Variants in PPP2R5E observed in about 807,000 individuals in gnomAD.
PPP2R5E encodes protein phosphatase 2 regulatory subunit B'epsilon.
A neutral mutation model predicts 65.3 loss-of-function variants in PPP2R5E; 4 were observed. The observed-to-expected ratio is 0.06, with a 90% confidence interval of 0.03 to 0.14. The LOEUF (loss-of-function observed/expected upper bound fraction) is 0.14, where lower values mean the gene tolerates loss of function less well. Among genes scored for constraint, PPP2R5E ranks in the 10% least tolerant of loss-of-function variants. PPP2R5E has a pLI of 1.00. For missense variants in PPP2R5E, 274 were observed against 556.1 expected (o/e 0.49, Z 5.10); for synonymous variants, 183 against 187.4 (o/e 0.98, Z 0.19).
chr14:63,441,173 A>T (rs1888218329), intron 3 of PPP2R5E, among the ~76,000 whole-genome samples: 1 of 151,702 alleles, frequency 6.6e-6, no homozygotes, highest in Non-Finnish European at 1.5e-5. Flanking sequence ...TTATGCAGGT[A>T]ACAATAGAAG....
chr14:63,387,674 T>A (rs1397201148), intron 11 of PPP2R5E, among the ~76,000 whole-genome samples: 1 of 152,218 alleles, frequency 6.6e-6, no homozygotes, highest in Non-Finnish European at 1.5e-5. Context: ...AATCCTTTTT[T>A]CTTTCTTCGA....
chr14:63,426,023 C>A (rs8023046), intron 3 of PPP2R5E, among the ~76,000 whole-genome samples: 20,250 of 152,122 alleles, frequency 0.13, 2,523 homozygotes, highest in African/African-American at 0.33. Flanking sequence ...GTTTACTTCT[C>A]AACATTCACC....
chr14:63,532,955 C>G (rs1327281935), intron 2 of PPP2R5E, among the ~76,000 whole-genome samples: 1 of 152,188 alleles, frequency 6.6e-6, no homozygotes, highest in Admixed American at 6.6e-5. Flanking sequence ...CCTCAGCCTT[C>G]CAAGTACCTA....
intron 8 of PPP2R5E, among the ~76,000 whole-genome samples, chr14:63,392,931 A>C (rs1480780682): frequency 6.6e-6 from 1 of 152,216 alleles, no homozygotes; most frequent in African/African-American, 2.4e-5. Context: ...GTGACCATGC[A>C]AGGCAGTGTT....
rs1449663317 is a variant in PPP2R5E at position 63,415,574 on chromosome 14, C to G, written c.457-342G>C. Among the ~76,000 whole-genome samples, 3 of 152,006 alleles carry G rather than the reference C, an allele frequency of 2.0e-5. No homozygotes were observed. In the East Asian group the frequency reaches 5.8e-4, roughly 29 times the overall value. ...TTCCAGTTTTGCAAACTACTTGTACCATTTAAACAATATATTATGTATATA... is the reference window on the plus strand; with the variant it reads ...TTCCAGTTTTGCAAACTACTTGTACGATTTAAACAATATATTATGTATATA... On this transcript the variant is annotated intron_variant, in intron 4 of 13. Coordinates refer to ENST00000337537, the MANE Select transcript of PPP2R5E (RefSeq NM_006246.5).
intron 2 of PPP2R5E, among the ~76,000 whole-genome samples, chr14:63,514,842 C>G (rs1892601865): frequency 6.6e-6 from 1 of 152,202 alleles, no homozygotes; most frequent in South Asian, 2.1e-4. Flanking sequence ...TATATCACCT[C>G]TAAAATGAAT....
intron 2 of PPP2R5E, among the ~76,000 whole-genome samples, chr14:63,475,800 T>C (rs1455721075): frequency 6.6e-6 from 1 of 152,188 alleles, no homozygotes; most frequent in Non-Finnish European, 1.5e-5. Context: ...TTAAATAGCA[T>C]GCATTCATGC....
At chr14:63,541,557 A>G (rs1158946240) in intron 1 of PPP2R5E, among the ~76,000 whole-genome samples, 1 of 152,242 alleles carries the variant, frequency 6.6e-6, no homozygotes, top group Non-Finnish European at 1.5e-5. Context: ...GGCTTCATGC[A>G]AGACTAATGG....
chr14:63,541,711 T>C (rs1453711176), intron 1 of PPP2R5E, among the ~76,000 whole-genome samples: 4 of 152,180 alleles, frequency 2.6e-5, no homozygotes, highest in Non-Finnish European at 4.4e-5. Flanking sequence ...GAATAAAAAG[T>C]TACCTGGATT....
intron 11 of PPP2R5E, among the ~76,000 whole-genome samples, chr14:63,384,974 C>T (rs1349940887): frequency 6.6e-6 from 1 of 151,840 alleles, no homozygotes; most frequent in Non-Finnish European, 1.5e-5. Context: ...GGATTACAGG[C>T]GTGAACCACC....
chr14:63,476,238 CT>C (rs1485825388), intron 2 of PPP2R5E, among the ~76,000 whole-genome samples: 6 of 152,072 alleles, frequency 3.9e-5, no homozygotes, highest in African/African-American at 7.2e-5. Flanking sequence ...ATTTCTTCTT[CT>C]TTTTCCCCCC....
At chr14:63,393,087 G>C (rs1321617330) in intron 8 of PPP2R5E, among the ~76,000 whole-genome samples, 1 of 152,202 alleles carries the variant, frequency 6.6e-6, no homozygotes, top group Non-Finnish European at 1.5e-5. Flanking sequence ...CATGGTGAGT[G>C]ACCTAGAACA....
chr14:63,434,683 C>A (rs189196068), intron 3 of PPP2R5E, among the ~76,000 whole-genome samples: 1 of 152,196 alleles, frequency 6.6e-6, no homozygotes, highest in South Asian at 2.1e-4. Flanking sequence ...CTGGTCAAAA[C>A]CAATTTCACT....
intron 2 of PPP2R5E, among the ~76,000 whole-genome samples, chr14:63,506,505 A>C (rs1264011861): frequency 6.6e-6 from 1 of 152,178 alleles, no homozygotes; most frequent in Non-Finnish European, 1.5e-5. Context: ...AAAGTAGGCA[A>C]AGGATTTGAA....
At chr14:63,433,635 G>A (rs1479035750) in intron 3 of PPP2R5E, among the ~76,000 whole-genome samples, 1 of 151,936 alleles carries the variant, frequency 6.6e-6, no homozygotes, top group Non-Finnish European at 1.5e-5. Flanking sequence ...TGTGCGTAAT[G>A]TCCCCAAGTC....
chr14:63,484,347 T>TCTCTCTCACACACA (rs758248092), intron 2 of PPP2R5E, among the ~76,000 whole-genome samples: 1 of 139,680 alleles, frequency 7.2e-6, no homozygotes, highest in African/African-American at 2.8e-5. Context: ...TCTCTCTCTC[T>TCTCTCTCACACACA]CACACACACA....
chr14:63,389,826 A>G, intron 10 of PPP2R5E, 95 bp from the exon 11 acceptor site: 5 of 1,307,432 alleles, frequency 3.8e-6, no homozygotes, highest in Non-Finnish European at 5.1e-6. Flanking sequence ...TTATTTTAAG[A>G]AAAATTTACA....
intron 2 of PPP2R5E, among the ~76,000 whole-genome samples, chr14:63,454,643 A>C (rs1003658307): frequency 6.6e-6 from 1 of 152,232 alleles, no homozygotes; most frequent in Non-Finnish European, 1.5e-5. Context: ...TTTCTAAAAA[A>C]TATGTAGAAA....
intron 2 of PPP2R5E, among the ~76,000 whole-genome samples, chr14:63,461,503 A>C (rs1889455946): frequency 1.3e-5 from 2 of 152,152 alleles, no homozygotes. Context: ...TCCTTTCAAA[A>C]GGAGGGTTGG....
Sources: gnomAD v4.1 joint callset for allele counts (sites outside exome capture counted in the v4.1 genomes callset) on GRCh38, gnomAD v4.1.1 for gene constraint, MANE v1.5 for transcripts, NCBI Gene and HGNC (gene_info 2026-07-23, HGNC 2026-07-21) for gene names.